The following ZNF688 variants were observed in gnomAD, a reference collection of about 807,000 sequenced individuals.
The protein encoded by ZNF688 is zinc finger protein 688.
A neutral mutation model predicts 13.2 loss-of-function variants in ZNF688; 10 were observed. The ratio of observed to expected loss-of-function variants is 0.76; its 90% CI spans 0.47 to 1.28. The LOEUF is 1.28. Ranked by LOEUF, ZNF688 falls within the 50% of genes most tolerant of loss-of-function variation. ZNF688 has a pLI of 0.00. For missense variants in ZNF688, 381 were observed against 391.4 expected (o/e 0.97, Z 0.22); for synonymous variants, 160 against 159.4 (o/e 1.00, Z -0.03).
chr16:30,576,273 G>A (rs1203360441), upstream of ZNF688, among the ~76,000 whole-genome samples: 5 of 152,154 alleles, frequency 3.3e-5, no homozygotes, highest in African/African-American at 7.2e-5. Context: ...GTGCAGTGGC[G>A]CGATCTTGGC....
upstream of ZNF688, among the ~76,000 whole-genome samples, chr16:30,576,372 G>A (rs542645310): frequency 4.9e-3 from 749 of 152,304 alleles, 5 homozygotes; most frequent in Non-Finnish European, 7.1e-3. Flanking sequence ...CCACCACGCC[G>A]GCTAATTTTT....
chr16:30,572,213 G>T (rs1329002487), upstream of ZNF688: 1 of 1,605,184 alleles, frequency 6.2e-7, no homozygotes, highest in Admixed American at 1.7e-5. Flanking sequence ...CGGGGCATTT[G>T]AAGGGACCCC....
chr16:30,570,554 CT>C, intron 2 of ZNF688, 118 bp from the exon 3 acceptor site: 2 of 1,284,328 alleles, frequency 1.6e-6, no homozygotes, highest in Non-Finnish European at 2.1e-6. Flanking sequence ...AACACACAGG[CT>C]TTAGAACAAG....
upstream of ZNF688, chr16:30,572,251 T>G (rs1278068734): frequency 6.4e-7 from 1 of 1,570,416 alleles, no homozygotes; most frequent in Non-Finnish European, 8.6e-7. Flanking sequence ...GTTGACAGAC[T>G]GGAGCGCAGC....
the ZNF688 span, chr16:30,578,536 T>G: frequency 6.6e-6 from 1 of 152,238 alleles, no homozygotes; most frequent in Non-Finnish European, 1.5e-5. Context: ...CTTTCTTTCT[T>G]TTTTGAAACA....
At position 30,569,896 on chromosome 16, in the gene ZNF688, A is replaced by G. The variant is rs1249012186; in HGVS notation, c.*20T>C. 6.6e-7 allele frequency: 1 copy of G among 1,514,880 alleles called. No homozygotes were observed. Among genetic ancestry groups the G allele is most frequent in the African/African-American group, 1.4e-5 (1 of 71,336 alleles). The allele number at this position is 1,514,880 out of a possible 1,614,324, so 93.8% of individuals were successfully genotyped here. A position where few individuals can be genotyped will look rare whatever the true frequency, so the allele number is the denominator to read the frequency against. ...GTCCTTCGTGCCAAGGTCAGGCTCA[A>G]CTCCAGCCTGCGGTGCCGCTCAGCC... On this transcript the variant is annotated 3_prime_UTR_variant, in exon 3 of 3. Coordinates refer to ENST00000223459, the MANE Select transcript of ZNF688 (RefSeq NM_145271.4).
At position 30,569,780 on chromosome 16, in the gene ZNF688, T is replaced by C; in HGVS notation, c.*136A>G. Reference sequence around the variant, plus strand: ...TTACAGGCACTTTTCTTTTTACAAGTTGGAAACTTGAGGGATCCTTGAGGA... The same window carrying C: ...TTACAGGCACTTTTCTTTTTACAAGCTGGAAACTTGAGGGATCCTTGAGGA... On this transcript the variant is annotated 3_prime_UTR_variant, in exon 3 of 3. Transcript: ENST00000223459. 1.8e-6 allele frequency: 2 copies of C among 1,109,130 alleles called. No homozygotes were observed. Among genetic ancestry groups the C allele is most frequent in the Non-Finnish European group, 2.4e-6 (2 of 833,106 alleles). The allele number at this position is 1,109,130 out of a possible 1,614,324, so 68.7% of individuals were successfully genotyped here. A position where few individuals can be genotyped will look rare whatever the true frequency, so the allele number is the denominator to read the frequency against.
chr16:30,573,109 T>A (rs34114657), upstream of ZNF688, among the ~76,000 whole-genome samples: 14 of 151,478 alleles, frequency 9.2e-5, no homozygotes, highest in Admixed American at 7.9e-4. Flanking sequence ...TTTCTCCATA[T>A]TAAGTCAGGC....
At chr16:30,572,854 G>A (rs1410125562), upstream of ZNF688, 1 of 152,668 alleles carries the variant, frequency 6.6e-6, no homozygotes, top group Non-Finnish European at 1.5e-5. Context: ...TTACAGGCAT[G>A]CGCCACGGTT....
upstream of ZNF688, among the ~76,000 whole-genome samples, chr16:30,574,490 G>A (rs1318679058): frequency 2.6e-5 from 4 of 151,058 alleles, no homozygotes; most frequent in East Asian, 7.7e-4. Context: ...AGGTTGCAGT[G>A]AGCCAAGATC....
rs3072029 is a variant in ZNF688 at position 30,570,722 on chromosome 16, ATTATTTATTTATTTATTTATTTAT to A, written c.310+264_310+287del. 1.3e-4 allele frequency: 40 copies of A among 299,978 alleles called. 4 individuals are homozygous for A. In the East Asian group the frequency reaches 1.6e-3, roughly 12 times the overall value. 18.6% of individuals were successfully genotyped at this position (299,978 alleles called of 1,614,324 possible). A position where few individuals can be genotyped will look rare whatever the true frequency, so the allele number is the denominator to read the frequency against. ...AGGAAGTGCTCAGGAAGCAGGGGCT[ATTATTTATTTATTTATTTATTTAT>A]TTATTTATTTATTTATTTATTTTTG... On this transcript the variant is annotated intron_variant, in intron 2 of 2. Coordinates refer to ENST00000223459, the MANE Select transcript of ZNF688 (RefSeq NM_145271.4).
At chr16:30,579,951 G>A in the ZNF688 span, 12,715 of 408,840 alleles carry the variant, frequency 0.031, 361 homozygotes, top group South Asian at 0.066. Flanking sequence ...GCAGTGGCGC[G>A]ATCTCAGCTC....
chr16:30,570,571 C>T, intron 2 of ZNF688, 135 bp from the exon 3 acceptor site: 1 of 1,143,302 alleles, frequency 8.7e-7, no homozygotes, highest in Non-Finnish European at 1.2e-6. Flanking sequence ...ACAAGGTAAA[C>T]AGGATTCAGA....
At chr16:30,571,365 C>T in intron 1 of ZNF688, 69 bp downstream of exon 1, 3 of 1,536,212 alleles carry the variant, frequency 2.0e-6, no homozygotes, top group Non-Finnish European at 2.6e-6. Context: ...ACAGTCCTCT[C>T]GGCCCTTCTA....
In ZNF688 at chr16:30,569,936, T is replaced by G; in HGVS notation, c.811A>C (p.Ile271Leu). The change falls in exon 3 of 3, where the codon ATC (isoleucine) becomes CTC (leucine). Residue 271 changes from isoleucine to leucine, a missense_variant. Physicochemically the swap from Ile to Leu is conservative, Grantham distance 5. Coordinates refer to ENST00000223459, the MANE Select transcript of ZNF688 (RefSeq NM_145271.4). ...GCCGCTCAGCCGCACTCCTCGAAGA[T>G]GTCTGGGTAGTGCCGGAAGAGCACA... Reference protein sequence around the residue: ...PPVLFRHYPDIFEECG With the variant: ...PPVLFRHYPDLFEECG 1 of 1,571,042 alleles carries G rather than the reference T, an allele frequency of 6.4e-7. No homozygotes were observed. The highest frequency in any genetic ancestry group is 1.4e-5 in the African/African-American group (1 of 73,736).
rs759443324 is a variant in ZNF688 at position 30,570,212 on chromosome 16, C to T, written c.535G>A (p.Gly179Ser). The change falls in exon 3 of 3, where the codon GGC (glycine) becomes AGC (serine). Residue 179 changes from glycine (G) to serine (S), a missense_variant. Physicochemically the swap from Gly to Ser is moderately conservative, Grantham distance 56. Coordinates refer to ENST00000223459, the MANE Select transcript of ZNF688 (RefSeq NM_145271.4). ...TCCGTGCACACGTGGCGCCGCTGGCCGGCCTGAGCATCCATGCTGGGTATG... is the reference window on the plus strand; with the variant it reads ...TCCGTGCACACGTGGCGCCGCTGGCTGGCCTGAGCATCCATGCTGGGTATG... ...APIPSMDAQA[G>S]QRRHVCTDCG... 6.8e-6 allele frequency: 11 copies of T among 1,612,596 alleles called. No individual in the cohort carries two copies. Among genetic ancestry groups the T allele is most frequent in the Admixed American group, 1.7e-5 (1 of 59,894 alleles).
At chr16:30,574,428 C>T (rs2051727878), upstream of ZNF688, among the ~76,000 whole-genome samples, 1 of 151,860 alleles carries the variant, frequency 6.6e-6, no homozygotes, top group South Asian at 2.1e-4. Flanking sequence ...CGCCTGTAGT[C>T]CCAGCTACTC....
intron 2 of ZNF688, chr16:30,570,722 A>ATTGTTTAT (rs1555512560): frequency 3.4e-6 from 1 of 297,984 alleles, no homozygotes; most frequent in African/African-American, 2.4e-5. Flanking sequence ...AGCAGGGGCT[A>ATTGTTTAT]TTATTTATTT....
chr16:30,570,825 C>T (rs2051664833), intron 2 of ZNF688, 185 bp downstream of exon 2: 1 of 668,452 alleles, frequency 1.5e-6, no homozygotes. Context: ...GACTGGGCTC[C>T]CAGTCCTCAC....
Sources: allele counts gnomAD v4.1 joint callset (sites outside exome capture counted in the v4.1 genomes callset), GRCh38; gene constraint gnomAD v4.1.1; transcripts MANE v1.5; gene names NCBI Gene and HGNC (gene_info 2026-07-23, HGNC 2026-07-21).